Variants in MAPK10 observed in about 807,000 individuals in gnomAD.
MAPK10 encodes JNK3 alpha protein kinase.
MAPK10 carries 25 observed loss-of-function variants against 59.3 expected under a neutral mutation model. That is an observed-to-expected ratio of 0.42 (90% confidence interval 0.31 to 0.59). The LOEUF is 0.59. MAPK10 is among the 20% of genes least tolerant of loss of function. The probability of loss-of-function intolerance (pLI) is 0.15; values close to 1 mark genes in which losing one functional copy is unlikely to be tolerated. For missense variants in MAPK10, 351 were observed against 568.9 expected (o/e 0.62, Z 3.90); for synonymous variants, 190 against 200.5 (o/e 0.95, Z 0.44).
intron 3 of MAPK10, among the ~76,000 whole-genome samples, chr4:86,188,915 GAGT>G (rs1437377936): frequency 4.6e-5 from 7 of 152,102 alleles, no homozygotes; most frequent in Admixed American, 3.3e-4. Context: ...AATCCATCTT[GAGT>G]TAATCTTTGT....
chr4:86,149,892 C>T (rs1291593673), intron 4 of MAPK10, among the ~76,000 whole-genome samples: 1 of 152,096 alleles, frequency 6.6e-6, no homozygotes, highest in Non-Finnish European at 1.5e-5. Flanking sequence ...CCAGTCCATC[C>T]CATTCCAAAC....
chr4:86,558,352 T>G (rs1760422739), intron 1 of MAPK10, among the ~76,000 whole-genome samples: 1 of 152,182 alleles, frequency 6.6e-6, no homozygotes, highest in South Asian at 2.1e-4. Flanking sequence ...GTACTTAGTA[T>G]GCTGTCTTTC....
chr4:86,434,018 C>T (rs967750150), intron 1 of MAPK10, among the ~76,000 whole-genome samples: 2 of 152,102 alleles, frequency 1.3e-5, no homozygotes, highest in African/African-American at 4.8e-5. Context: ...ATGTATGTGA[C>T]TCAGAATATA....
intron 1 of MAPK10, among the ~76,000 whole-genome samples, chr4:86,539,490 G>A (rs192856674): frequency 2.0e-5 from 3 of 152,232 alleles, no homozygotes; most frequent in Admixed American, 6.5e-5. Flanking sequence ...ACCCTTGGTC[G>A]CAGGGATTAG....
chr4:86,439,313 T>C (rs889991140), intron 1 of MAPK10, among the ~76,000 whole-genome samples: 7 of 152,186 alleles, frequency 4.6e-5, no homozygotes, highest in African/African-American at 1.7e-4. Context: ...TAATCTCTTT[T>C]CTATTCCTAT....
intron 2 of MAPK10, among the ~76,000 whole-genome samples, chr4:86,238,108 TC>T (rs2092417856): frequency 6.6e-6 from 1 of 152,234 alleles, no homozygotes; most frequent in South Asian, 2.1e-4. Context: ...GAAGATCCTT[TC>T]CCCATTGCTT....
At position 86,144,803 on chromosome 4, in the gene MAPK10, T is replaced by C. The variant is rs550433761; in HGVS notation, c.236+14495A>G. On this transcript the variant is annotated intron_variant, in intron 4 of 13. Coordinates refer to ENST00000641462, the MANE Select transcript of MAPK10 (RefSeq NM_138982.4). ...ATATAATTATTGCCTTGAGTAATAA[T>C]ACTCTGCCACTGATCCAGAAACTCC... Among the ~76,000 whole-genome samples the C allele has an allele frequency of 4.7e-4, 72 of 152,260 alleles. 1 individual carries two copies. The highest frequency in any genetic ancestry group is 7.2e-4 in the Admixed American group (11 of 15,304).
At chr4:86,525,028 T>C (rs1158609220) in intron 1 of MAPK10, among the ~76,000 whole-genome samples, 1 of 149,310 alleles carries the variant, frequency 6.7e-6, no homozygotes, top group African/African-American at 2.5e-5. Context: ...CCAGGCATGA[T>C]GGCTCATGCC....
chr4:86,223,889 C>T (rs773286838), intron 2 of MAPK10, among the ~76,000 whole-genome samples: 19 of 152,182 alleles, frequency 1.2e-4, no homozygotes, highest in Non-Finnish European at 1.8e-4. Flanking sequence ...CTGCTCTCCC[C>T]AGAAAGTCTC....
chr4:86,524,219 A>G (rs1757311584), intron 1 of MAPK10, among the ~76,000 whole-genome samples: 1 of 152,142 alleles, frequency 6.6e-6, no homozygotes, highest in Admixed American at 6.5e-5. Context: ...AGAAAAATAA[A>G]CCTTTTTCTC....
chr4:86,152,042 T>A (rs2066604336), intron 4 of MAPK10: 1 of 152,176 alleles, frequency 6.6e-6, no homozygotes, highest in Non-Finnish European at 1.5e-5. Flanking sequence ...TGACCACGTA[T>A]CAGAGTCCAC....
chr4:86,210,575 G>A (rs2085484157), intron 2 of MAPK10, among the ~76,000 whole-genome samples: 1 of 151,912 alleles, frequency 6.6e-6, no homozygotes, highest in African/African-American at 2.4e-5. Flanking sequence ...ACCCTGATGT[G>A]ATTTGTATGC....
intron 1 of MAPK10, among the ~76,000 whole-genome samples, chr4:86,401,219 C>T (rs753568152): frequency 1.4e-4 from 22 of 152,150 alleles, no homozygotes; most frequent in Non-Finnish European, 2.6e-4. Context: ...TATCACTGGA[C>T]TCCTGTATAT....
chr4:86,547,825 A>G (rs1759360691), intron 1 of MAPK10, among the ~76,000 whole-genome samples: 1 of 152,210 alleles, frequency 6.6e-6, no homozygotes, highest in Non-Finnish European at 1.5e-5. Flanking sequence ...CCCTGTGTCT[A>G]GCTCAGGGTT....
rs139484374 is a variant in MAPK10, at chr4:86,167,485, C to T, written c.67-8018G>A. 8.1e-3 allele frequency among the ~76,000 whole-genome samples: 1,240 copies of T among 152,266 alleles called. 15 individuals are homozygous for T. The highest frequency in any genetic ancestry group is 0.028 in the African/African-American group (1,174 of 41,532). On this transcript the variant is annotated intron_variant, in intron 3 of 13. Transcript: ENST00000641462. ...AGATACTCAATAAAGTACTGTCAAA[C>T]CTAATCCAGCAACATATCAAAAAGC... is the stretch of plus-strand genomic sequence containing the variant.
chr4:86,529,809 A>T (rs1393191616), intron 1 of MAPK10, among the ~76,000 whole-genome samples: 1 of 152,268 alleles, frequency 6.6e-6, no homozygotes, highest in Admixed American at 6.5e-5. Flanking sequence ...TATGGAACAC[A>T]TTGTATTTTT....
rs372147671 is a variant in MAPK10 at position 86,153,183 on chromosome 4, G to A, written c.236+6115C>T. Among the ~76,000 whole-genome samples, 88 of 152,234 alleles carry A rather than the reference G, an allele frequency of 5.8e-4. No individual in the cohort carries two copies. In the Middle Eastern group the frequency reaches 0.01, roughly 18 times the overall value. On this transcript the variant is annotated intron_variant, in intron 4 of 13. Transcript: ENST00000641462. ...CATCACTTAACTATTTAATCTTTAG[G>A]AGGGAAGTTGAAACTGAAAAATAAA...
At chr4:86,054,354 A>C (rs1007996501) in intron 11 of MAPK10, among the ~76,000 whole-genome samples, 2 of 152,186 alleles carry the variant, frequency 1.3e-5, no homozygotes, top group Admixed American at 1.3e-4. Flanking sequence ...GCTCCCACCA[A>C]CATAATACAT....
At chr4:86,507,615 G>GAGATAGATATAT (rs1219957209) in intron 1 of MAPK10, among the ~76,000 whole-genome samples, 2 of 35,654 alleles carry the variant, frequency 5.6e-5, no homozygotes, top group Non-Finnish European at 1.0e-4. Flanking sequence ...ATAAACTGGA[G>GAGATAGATATAT]ATATATATAT....
Sources: gnomAD v4.1 joint callset for allele counts (sites outside exome capture counted in the v4.1 genomes callset) on GRCh38, gnomAD v4.1.1 for gene constraint, MANE v1.5 for transcripts, NCBI Gene and HGNC (gene_info 2026-07-23, HGNC 2026-07-21) for gene names.